The following FAXC variants were observed in gnomAD, a reference collection of about 807,000 sequenced individuals.
The protein encoded by FAXC is failed axon connections homolog, metaxin like GST domain containing.
In FAXC, 10 loss-of-function variants were observed where a neutral mutation model predicts 41.9. That is an observed-to-expected ratio of 0.24 (90% CI 0.15 to 0.41). The LOEUF is 0.41. FAXC is among the 10% of genes least tolerant of loss of function. FAXC has a pLI of 1.00. For missense variants in FAXC, 399 were observed against 510.9 expected (o/e 0.78, Z 2.11); for synonymous variants, 183 against 183.8 (o/e 1.00, Z 0.03).
At chr6:99,281,479 A>T (rs780027181) in intron 5 of FAXC, 26 bp from the exon 6 acceptor site, 6 of 1,566,384 alleles carry the variant, frequency 3.8e-6, no homozygotes, top group Non-Finnish European at 4.4e-6. Context: ...GAAAGCAAGG[A>T]TTAGTTCTCA....
chr6:99,320,614 T>C (rs1772550987), intron 4 of FAXC, among the ~76,000 whole-genome samples: 1 of 152,156 alleles, frequency 6.6e-6, no homozygotes, highest in South Asian at 2.1e-4. Context: ...ATCTGCAACA[T>C]CACCATGTTT....
chr6:99,337,419 T>C (rs1026717980), intron 2 of FAXC, among the ~76,000 whole-genome samples: 2 of 152,236 alleles, frequency 1.3e-5, no homozygotes, highest in African/African-American at 4.8e-5. Context: ...CTTATACAAC[T>C]ACTTATATCA....
intron 2 of FAXC, among the ~76,000 whole-genome samples, chr6:99,340,666 C>CTTTTTTTTTTTTTTTTTT (rs61071426): frequency 1.0e-5 from 1 of 96,952 alleles, no homozygotes; most frequent in Non-Finnish European, 2.0e-5. Context: ...GCTAAAATTC[C>CTTTTTTTTTTTTTTTTTT]TTTTTTTTTT....
chr6:99,284,260 TGAG>T (rs1770934156), intron 5 of FAXC: 2 of 152,184 alleles, frequency 1.3e-5, no homozygotes, highest in Admixed American at 6.5e-5. Flanking sequence ...TCAAGACTTA[TGAG>T]GAGACAGGTG....
intron 4 of FAXC, among the ~76,000 whole-genome samples, chr6:99,292,415 T>A (rs925777320): frequency 1.4e-4 from 22 of 152,298 alleles, no homozygotes; most frequent in Admixed American, 5.2e-4. Flanking sequence ...GGCATCACGA[T>A]CCCATGAAAG....
In FAXC at chr6:99,282,237, C is replaced by T. The variant is rs894919810; in HGVS notation, c.941-784G>A. Among the ~76,000 whole-genome samples, 5 of 152,168 alleles carry T rather than the reference C, an allele frequency of 3.3e-5. No homozygotes were observed. The South Asian group carries it at 8.3e-4, about 25-fold the overall frequency. ...AATTAATTTATATTCCATAAAAATA[C>T]GTCAAACTGTTGGTTGCATTAAGTC... On this transcript the variant is annotated intron_variant, in intron 5 of 5. Coordinates refer to ENST00000389677, the MANE Select transcript of FAXC (RefSeq NM_032511.4).
intron 4 of FAXC, among the ~76,000 whole-genome samples, chr6:99,307,065 G>T (rs1430311399): frequency 2.0e-5 from 3 of 152,172 alleles, no homozygotes; most frequent in African/African-American, 7.2e-5. Context: ...CAGAAGAGAA[G>T]AAGGGCTCCT....
intron 4 of FAXC, among the ~76,000 whole-genome samples, chr6:99,305,455 T>G (rs1242521388): frequency 6.6e-6 from 1 of 152,100 alleles, no homozygotes; most frequent in African/African-American, 2.4e-5. Context: ...CCACCCCTTA[T>G]TAGTCATGAT....
At chr6:99,330,489 A>G (rs1772992028) in intron 3 of FAXC, among the ~76,000 whole-genome samples, 1 of 152,248 alleles carries the variant, frequency 6.6e-6, no homozygotes, top group South Asian at 2.1e-4. Flanking sequence ...CAAGTGGAAG[A>G]AAAGCCACTT....
In FAXC at chr6:99,333,405, T is replaced by C. The variant is rs376913102; in HGVS notation, c.545A>G (p.His182Arg). ...CACCGCTCTGGAGATGGCTCTTTCATGAGGGCCAAGGTTTTTGTTTAAATT... is the reference window on the plus strand; with the variant it reads ...CACCGCTCTGGAGATGGCTCTTTCACGAGGGCCAAGGTTTTTGTTTAAATT... ...GVNLNKNLGP[H>R]ERAISRAVTK... The change falls in exon 3 of 6, where the codon CAT becomes CGT. Residue 182 changes from histidine (H) to arginine (R), a missense_variant. His to Arg is a conservative substitution (Grantham distance 29). Around this residue, in one of 3 missense-constraint regions of FAXC, gnomAD observed 239 missense variants for 352.7 expected, o/e 0.68. Transcript: ENST00000389677. 1.2e-6 allele frequency: 2 copies of C among 1,614,114 alleles called. No homozygotes were observed. The highest frequency in any genetic ancestry group is 1.7e-6 in the Non-Finnish European group (2 of 1,179,998).
intron 4 of FAXC, chr6:99,309,851 T>C (rs1437736727): frequency 1.9e-5 from 18 of 954,566 alleles, no homozygotes; most frequent in Non-Finnish European, 2.0e-5. Context: ...ATGCAATCAA[T>C]ACAGGTAAAG....
In FAXC at chr6:99,271,465, G is replaced by A. The variant is rs1291150803; in HGVS notation, c.*9699C>T. The A allele has an allele frequency of 6.6e-6, 1 of 152,246 alleles. No individual in the cohort carries two copies. The highest frequency in any genetic ancestry group is 1.5e-5 in the Non-Finnish European group (1 of 68,110). The allele number at this position is 152,246 out of a possible 1,614,324, so 9.4% of individuals were successfully genotyped here. A position where few individuals can be genotyped will look rare whatever the true frequency, so the allele number is the denominator to read the frequency against. On this transcript the variant is annotated 3_prime_UTR_variant, in exon 6 of 6. Coordinates refer to ENST00000389677, the MANE Select transcript of FAXC (RefSeq NM_032511.4). ...AAAGATGAAAACCAAACTACAGGTC[G>A]AGCATCCCAAATCCAAAAATCCAAA...
intron 4 of FAXC, among the ~76,000 whole-genome samples, chr6:99,310,326 G>A (rs911041206): frequency 6.6e-6 from 1 of 152,200 alleles, no homozygotes; most frequent in East Asian, 1.9e-4. Flanking sequence ...GTGCCCTCAC[G>A]CGGCCCTTCC....
At chr6:99,301,977 T>A (rs1264586756) in intron 4 of FAXC, among the ~76,000 whole-genome samples, 1 of 152,238 alleles carries the variant, frequency 6.6e-6, no homozygotes, top group African/African-American at 2.4e-5. Flanking sequence ...ACATGTATTA[T>A]CTTGCAGTTT....
intron 5 of FAXC, among the ~76,000 whole-genome samples, chr6:99,291,105 C>T (rs897673571): frequency 2.0e-5 from 3 of 152,216 alleles, no homozygotes; most frequent in Non-Finnish European, 4.4e-5. Context: ...CCACTGCATC[C>T]GGCTGCTCTG....
chr6:99,306,896 C>T (rs1771942642), intron 4 of FAXC, among the ~76,000 whole-genome samples: 1 of 152,140 alleles, frequency 6.6e-6, no homozygotes, highest in African/African-American at 2.4e-5. Flanking sequence ...GTTGCTACAT[C>T]CAACAACCGG....
chr6:99,333,628 C>A, intron 2 of FAXC, 81 bp from the exon 3 acceptor site: 3 of 1,205,714 alleles, frequency 2.5e-6, no homozygotes, highest in Non-Finnish European at 3.5e-6. Context: ...ACAAACATTC[C>A]AACCTTATGT....
At chr6:99,331,696 C>T (rs1294839312) in intron 3 of FAXC, among the ~76,000 whole-genome samples, 9 of 152,162 alleles carry the variant, frequency 5.9e-5, no homozygotes, top group Non-Finnish European at 7.3e-5. Flanking sequence ...AATCAATGGG[C>T]CCATCAATCA....
chr6:99,319,843 C>G (rs1772526284), intron 4 of FAXC, among the ~76,000 whole-genome samples: 1 of 152,152 alleles, frequency 6.6e-6, no homozygotes, highest in African/African-American at 2.4e-5. Context: ...CTCAAGAAAA[C>G]TTGTTTACAT....
Sources: gnomAD v4.1 joint callset for allele counts (sites outside exome capture counted in the v4.1 genomes callset) on GRCh38, gnomAD v4.1.1 for gene constraint, gnomAD v4.1.1 regional missense constraint, MANE v1.5 for transcripts, NCBI Gene and HGNC (gene_info 2026-07-23, HGNC 2026-07-21) for gene names.